MACROD2: variants seen among roughly 807,000 people sequenced by gnomAD.
MACROD2 encodes the protein mono-ADP ribosylhydrolase 2.
Under a neutral mutation model 70.4 loss-of-function variants are expected in MACROD2, and 36 were observed. The ratio of observed to expected loss-of-function variants is 0.51; its 90% CI spans 0.39 to 0.68. MACROD2 has a LOEUF of 0.68. Ranked by LOEUF, MACROD2 falls within the 30% of genes least tolerant of loss-of-function variation. The pLI, the probability that MACROD2 is intolerant of heterozygous loss-of-function variation, is 0.00. For missense variants in MACROD2, 496 were observed against 538.4 expected (o/e 0.92, Z 0.78); for synonymous variants, 172 against 178.8 (o/e 0.96, Z 0.30).
intron 3 of MACROD2, among the ~76,000 whole-genome samples, chr20:14,215,512 G>T (rs1372771019): frequency 6.6e-6 from 1 of 151,832 alleles, no homozygotes; most frequent in Non-Finnish European, 1.5e-5. Context: ...TTTTCCTCTG[G>T]GTAGGTACCC....
At chr20:16,033,857 T>A (rs1163099158) in intron 15 of MACROD2, among the ~76,000 whole-genome samples, 2 of 140,770 alleles carry the variant, frequency 1.4e-5, no homozygotes, top group African/African-American at 2.7e-5. Context: ...CAGTAGGGGG[T>A]GGGGTGGGGG....
chr20:15,392,564 C>G (rs983732073), intron 6 of MACROD2, among the ~76,000 whole-genome samples: 6 of 152,064 alleles, frequency 3.9e-5, no homozygotes, highest in African/African-American at 1.4e-4. Flanking sequence ...TAATAATGCT[C>G]CATCATGCCT....
chr20:14,613,424 C>A (rs1983291057), intron 4 of MACROD2, among the ~76,000 whole-genome samples: 1 of 151,876 alleles, frequency 6.6e-6, no homozygotes, highest in South Asian at 2.1e-4. Context: ...TGGGGAGCAA[C>A]AGAAGGTAAC....
At chr20:15,228,877 A>T (rs190044989) in intron 5 of MACROD2, among the ~76,000 whole-genome samples, 1,616 of 152,154 alleles carry the variant, frequency 0.011, 12 homozygotes, top group South Asian at 0.017. Context: ...GTATACTCTT[A>T]TTCTTCTGTC....
chr20:14,647,826 T>C lies in MACROD2; in HGVS notation c.302-37017T>C, dbSNP rs529976588. On this transcript the variant is annotated intron_variant, in intron 4 of 17. Coordinates refer to ENST00000684519, the MANE Select transcript of MACROD2 (RefSeq NM_001351661.2). ...CACCACTATTCCTGTTCATTTTTTTTCCATTGTCCCGGGATTTACAGCTTT... is the reference window on the plus strand; with the variant it reads ...CACCACTATTCCTGTTCATTTTTTTCCCATTGTCCCGGGATTTACAGCTTT... Among the ~76,000 whole-genome samples, 6 of 152,256 alleles carry C rather than the reference T, an allele frequency of 3.9e-5. No homozygotes were observed. In the South Asian group the frequency reaches 1.2e-3, roughly 32 times the overall value.
At chr20:15,786,836 T>C (rs1016635188) in intron 8 of MACROD2, among the ~76,000 whole-genome samples, 3 of 152,184 alleles carry the variant, frequency 2.0e-5, no homozygotes, top group Non-Finnish European at 4.4e-5. Context: ...AATACAAACA[T>C]TTTAAACCTT....
intron 3 of MACROD2, among the ~76,000 whole-genome samples, chr20:14,479,384 G>T (rs1381296013): frequency 6.6e-6 from 1 of 152,112 alleles, no homozygotes; most frequent in African/African-American, 2.4e-5. Context: ...CATTTTTCCT[G>T]CTGGTTCATC....
At chr20:16,015,904 T>G (rs771855289) in intron 15 of MACROD2, among the ~76,000 whole-genome samples, 13 of 152,160 alleles carry the variant, frequency 8.5e-5, no homozygotes, top group Non-Finnish European at 1.3e-4. Flanking sequence ...TCTTATTGAT[T>G]TATAAGAGTA....
intron 5 of MACROD2, among the ~76,000 whole-genome samples, chr20:14,910,434 C>A (rs1177086294): frequency 6.6e-6 from 1 of 152,164 alleles, no homozygotes; most frequent in Non-Finnish European, 1.5e-5. Context: ...CATACTGAAA[C>A]AATTTTCTCC....
chr20:15,445,642 A>G (rs2046554821), intron 7 of MACROD2, among the ~76,000 whole-genome samples: 1 of 152,142 alleles, frequency 6.6e-6, no homozygotes, highest in African/African-American at 2.4e-5. Context: ...ACAGAGGGAA[A>G]AAGTCCAATG....
intron 8 of MACROD2, among the ~76,000 whole-genome samples, chr20:15,542,240 G>A (rs988990044): frequency 1.3e-5 from 2 of 152,204 alleles, no homozygotes; most frequent in African/African-American, 4.8e-5. Flanking sequence ...TGAGTCAGGA[G>A]CTTTCTCAGG....
chr20:14,214,105 AGTT>A (rs1157653915), intron 3 of MACROD2, among the ~76,000 whole-genome samples: 5 of 152,182 alleles, frequency 3.3e-5, no homozygotes. Flanking sequence ...ATAAATAAAT[AGTT>A]AATAATTGAA....
At chr20:14,897,455 A>T (rs1330356085) in intron 5 of MACROD2, among the ~76,000 whole-genome samples, 3 of 152,210 alleles carry the variant, frequency 2.0e-5, no homozygotes, top group African/African-American at 7.2e-5. Flanking sequence ...AAATATTTTA[A>T]TGATGCCCAA....
chr20:14,153,260 G>A (rs1450294212), intron 3 of MACROD2, among the ~76,000 whole-genome samples: 1 of 152,176 alleles, frequency 6.6e-6, no homozygotes, highest in Non-Finnish European at 1.5e-5. Context: ...ATCTTTTCGA[G>A]TGAGAAATAA....
chr20:15,512,021 C>T (rs2047506732), intron 8 of MACROD2, among the ~76,000 whole-genome samples: 1 of 152,182 alleles, frequency 6.6e-6, no homozygotes, highest in Admixed American at 6.5e-5. Context: ...AATAAAAACT[C>T]CCATTTGTTC....
chr20:14,652,074 C>A (rs1985707087), intron 4 of MACROD2, among the ~76,000 whole-genome samples: 1 of 152,108 alleles, frequency 6.6e-6, no homozygotes, highest in Admixed American at 6.6e-5. Flanking sequence ...AAGAGATACC[C>A]AACTAGGGTA....
At chr20:14,505,255 G>A (rs1273387496) in intron 4 of MACROD2, among the ~76,000 whole-genome samples, 1 of 152,190 alleles carries the variant, frequency 6.6e-6, no homozygotes, top group Non-Finnish European at 1.5e-5. Context: ...AGTATGTACA[G>A]TATATAGCTT....
At chr20:14,708,135 A>G (rs79300723) in intron 5 of MACROD2, among the ~76,000 whole-genome samples, 5,034 of 152,352 alleles carry the variant, frequency 0.033, 113 homozygotes, top group Non-Finnish European at 0.047. Flanking sequence ...AACACATACA[A>G]TACCTAAAAC....
intron 5 of MACROD2, among the ~76,000 whole-genome samples, chr20:15,186,825 A>G (rs901199379): frequency 1.3e-5 from 2 of 150,574 alleles, no homozygotes; most frequent in South Asian, 2.1e-4. Flanking sequence ...ACTTGCGGAT[A>G]TCTTAGAAGT....
Sources: gnomAD v4.1 joint callset for allele counts (sites outside exome capture counted in the v4.1 genomes callset) on GRCh38, gnomAD v4.1.1 for gene constraint, MANE v1.5 for transcripts, NCBI Gene and HGNC (gene_info 2026-07-23, HGNC 2026-07-21) for gene names.